ADAM12: variants seen among roughly 807,000 people sequenced by gnomAD.
ADAM12 encodes ADAM metallopeptidase domain 12.
Under a neutral mutation model 106.4 loss-of-function variants are expected in ADAM12, and 70 were observed. The ratio of observed to expected loss-of-function variants is 0.66; its 90% CI spans 0.54 to 0.80. The LOEUF (loss-of-function observed/expected upper bound fraction) is 0.80. Among genes scored for constraint, ADAM12 ranks in the 30% least tolerant of loss-of-function variants. The pLI is 0.00. For synonymous variants in ADAM12, 420 were observed against 433.5 expected (o/e 0.97, Z 0.39); for missense variants, 1,010 against 1,171.9 (o/e 0.86, Z 2.02).
intron 11 of ADAM12, 52 bp downstream of exon 11, chr10:126,093,933 C>G: frequency 2.5e-6 from 4 of 1,600,878 alleles, no homozygotes; most frequent in Non-Finnish European, 3.4e-6. Flanking sequence ...GTTCCCAACA[C>G]ACACTTCAAG....
chr10:126,300,342 G>A (rs79435014), intron 2 of ADAM12, among the ~76,000 whole-genome samples: 2,331 of 152,192 alleles, frequency 0.015, 34 homozygotes, highest in East Asian at 0.05. Flanking sequence ...TGATAAACAG[G>A]GGGGAAGAGG....
At chr10:126,091,091 CT>C (rs1955455186) in intron 11 of ADAM12, 1 of 152,202 alleles carries the variant, frequency 6.6e-6, no homozygotes, top group South Asian at 2.1e-4. Context: ...GGACATGCTG[CT>C]GAGTGACTGC....
chr10:126,032,140 T>C (rs1953982750), intron 21 of ADAM12, among the ~76,000 whole-genome samples: 1 of 152,196 alleles, frequency 6.6e-6, no homozygotes. Flanking sequence ...ATGGTGTTTG[T>C]GGTAGTGTTT....
chr10:126,089,331 A>G (rs1009399969), intron 11 of ADAM12, among the ~76,000 whole-genome samples: 1 of 152,194 alleles, frequency 6.6e-6, no homozygotes, highest in Non-Finnish European at 1.5e-5. Context: ...TGGAGAGGTG[A>G]GTGTGGAGCG....
rs527544765 is a variant in ADAM12 at position 126,261,925 on chromosome 10, C to T, written c.260+16990G>A. Among the ~76,000 whole-genome samples the T allele has an allele frequency of 5.3e-5, 8 of 151,858 alleles. No homozygotes were observed. In the East Asian group the frequency reaches 1.4e-3, roughly 26 times the overall value. The stretch of plus-strand genomic sequence containing the variant: ...TCATGTCATTCTCCTGCCTCAGCCT[C>T]CCAGGATAGTATTTTTAATACCCAA... On this transcript the variant is annotated intron_variant, in intron 3 of 22. Transcript: ENST00000448723.
intron 1 of ADAM12, among the ~76,000 whole-genome samples, chr10:126,385,557 C>T (rs938265193): frequency 1.7e-4 from 26 of 152,206 alleles, no homozygotes; most frequent in African/African-American, 6.0e-4. Context: ...CAATCATTAA[C>T]TCTAGGAAAA....
At chr10:126,269,549 T>C (rs1959165193) in intron 3 of ADAM12, among the ~76,000 whole-genome samples, 1 of 152,048 alleles carries the variant, frequency 6.6e-6, no homozygotes, top group Non-Finnish European at 1.5e-5. Flanking sequence ...CACGTAACCA[T>C]CCCGGTCGCA....
At chr10:126,239,093 C>G (rs1423331023) in intron 3 of ADAM12, among the ~76,000 whole-genome samples, 2 of 152,162 alleles carry the variant, frequency 1.3e-5, no homozygotes, top group African/African-American at 4.8e-5. Context: ...AAAATGATGT[C>G]AACAAGTTTT....
At chr10:126,213,749 C>A (rs1957940740) in intron 3 of ADAM12, among the ~76,000 whole-genome samples, 1 of 152,198 alleles carries the variant, frequency 6.6e-6, no homozygotes, top group Non-Finnish European at 1.5e-5. Context: ...CAAAAGCATT[C>A]AGACTGAAGC....
chr10:126,145,357 C>T (rs1956606280), intron 4 of ADAM12: 1 of 152,386 alleles, frequency 6.6e-6, no homozygotes, highest in Non-Finnish European at 1.5e-5. Flanking sequence ...TGAATGCTAC[C>T]CGCTTCCCCA....
chr10:126,357,517 C>T (rs1855584222), intron 1 of ADAM12, among the ~76,000 whole-genome samples: 1 of 152,074 alleles, frequency 6.6e-6, no homozygotes, highest in Non-Finnish European at 1.5e-5. Context: ...CTGTATTAGT[C>T]CATTCTCATG....
At chr10:126,288,905 G>T (rs1413292852) in intron 2 of ADAM12, among the ~76,000 whole-genome samples, 1 of 149,994 alleles carries the variant, frequency 6.7e-6, no homozygotes, top group Non-Finnish European at 1.5e-5. Context: ...CATGACCACA[G>T]GGTGGCATGA....
chr10:126,086,707 A>ATATATATATATATATATATATAT (rs1449849709), intron 11 of ADAM12, among the ~76,000 whole-genome samples: 1 of 92,938 alleles, frequency 1.1e-5, no homozygotes, highest in Non-Finnish European at 2.1e-5. Context: ...ATATATATAT[A>ATATATATATATATATATATATAT]AAATAAAATA....
intron 2 of ADAM12, among the ~76,000 whole-genome samples, chr10:126,309,625 A>G (rs1960994487): frequency 6.6e-6 from 1 of 152,222 alleles, no homozygotes; most frequent in African/African-American, 2.4e-5. Context: ...CTCCTATTGC[A>G]TTACACTGAG....
At chr10:126,293,062 G>A (rs932467735) in intron 2 of ADAM12, among the ~76,000 whole-genome samples, 7 of 152,144 alleles carry the variant, frequency 4.6e-5, no homozygotes, top group African/African-American at 1.4e-4. Context: ...ATTGTTGCTC[G>A]ACCAAGTTTC....
chr10:126,073,009 C>T (rs1464250377), intron 11 of ADAM12, among the ~76,000 whole-genome samples: 2 of 152,208 alleles, frequency 1.3e-5, no homozygotes, highest in Non-Finnish European at 2.9e-5. Flanking sequence ...GATAACACTG[C>T]ACCATCCTCT....
chr10:126,243,669 T>C (rs1434903939), intron 3 of ADAM12, among the ~76,000 whole-genome samples: 1 of 152,220 alleles, frequency 6.6e-6, no homozygotes, highest in African/African-American at 2.4e-5. Flanking sequence ...TTCTTGCAGA[T>C]AGCTGCTTTC....
chr10:126,196,007 A>C (rs1317000558), intron 3 of ADAM12, among the ~76,000 whole-genome samples: 3 of 151,734 alleles, frequency 2.0e-5, no homozygotes, highest in Non-Finnish European at 2.9e-5. Context: ...TTTCTTATAA[A>C]GTTTTATAGG....
rs371793264 is a variant in ADAM12, at chr10:126,336,294, A to G, written c.89-5785T>C. On this transcript the variant is annotated intron_variant, in intron 1 of 22. Transcript: ENST00000448723. Reference sequence around the variant, plus strand: ...AAGTCTACTAAGAATAATTTTTAAAATTTAATCTGAATTTTACAAGAATAA... The same window carrying G: ...AAGTCTACTAAGAATAATTTTTAAAGTTTAATCTGAATTTTACAAGAATAA... Among the ~76,000 whole-genome samples, 6 of 152,186 alleles carry G rather than the reference A, an allele frequency of 3.9e-5. No homozygotes were observed. In the East Asian group the frequency reaches 9.6e-4, roughly 24 times the overall value.
Sources: gnomAD v4.1 joint callset for allele counts (sites outside exome capture counted in the v4.1 genomes callset) on GRCh38, gnomAD v4.1.1 for gene constraint, MANE v1.5 for transcripts, NCBI Gene and HGNC (gene_info 2026-07-23, HGNC 2026-07-21) for gene names.